TRIM66: variants seen among roughly 807,000 people sequenced by gnomAD.
TRIM66 encodes the protein tripartite motif-containing protein 66.
Under a neutral mutation model 148.2 loss-of-function variants are expected in TRIM66, and 99 were observed. That is an observed-to-expected ratio of 0.67 (90% confidence interval 0.57 to 0.79). The LOEUF (loss-of-function observed/expected upper bound fraction) is 0.79, where lower values mean the gene tolerates loss of function less well. Among genes scored for constraint, TRIM66 ranks in the 30% least tolerant of loss-of-function variants. The pLI, the probability that TRIM66 is intolerant of heterozygous loss-of-function variation, is 0.00. For missense variants in TRIM66, 1,666 were observed against 1,697.9 expected (o/e 0.98, Z 0.33); for synonymous variants, 616 against 635.9 (o/e 0.97, Z 0.47).
intron 6 of TRIM66, among the ~76,000 whole-genome samples, chr11:8,664,395 T>C (rs999073037): frequency 2.0e-5 from 3 of 152,218 alleles, no homozygotes; most frequent in Admixed American, 1.3e-4. Context: ...ACTCTCCCCG[T>C]GAGCAAAGTG....
rs532464330 is a variant in TRIM66 at position 8,624,342 on chromosome 11, G to T, written c.3019+17C>A. The T allele has an allele frequency of 1.2e-5, 19 of 1,548,024 alleles. No individual in the cohort carries two copies. In the Admixed American group the frequency reaches 2.8e-4, roughly 23 times the overall value. On this transcript the variant is annotated intron_variant, in intron 17 of 24. Transcript: ENST00000646038. ...AAGTCTGTGGCCAACATGAAGGGCA[G>T]GCTGCTTGAGTCTCACCTTTTGGGT...
chr11:8,681,543 G>A (rs1015466343), intron 1 of TRIM66, among the ~76,000 whole-genome samples: 1 of 152,158 alleles, frequency 6.6e-6, no homozygotes, highest in Non-Finnish European at 1.5e-5. Context: ...GAGGGGATGG[G>A]ATTTTAAAAA....
chr11:8,635,200 A>G (rs537964115), intron 15 of TRIM66, among the ~76,000 whole-genome samples: 5 of 152,236 alleles, frequency 3.3e-5, no homozygotes, highest in South Asian at 2.1e-4. Flanking sequence ...ACATTGCCCA[A>G]TGGGTTGGCT....
chr11:8,630,339 G>A (rs1394922204), intron 15 of TRIM66, among the ~76,000 whole-genome samples: 1 of 152,222 alleles, frequency 6.6e-6, no homozygotes, highest in East Asian at 1.9e-4. Context: ...GGATTGTTCA[G>A]AGGTCAAATG....
intron 6 of TRIM66, among the ~76,000 whole-genome samples, chr11:8,655,437 G>A (rs2037738487): frequency 6.6e-6 from 1 of 152,146 alleles, no homozygotes; most frequent in African/African-American, 2.4e-5. Context: ...AGGAATGCAG[G>A]GGAGTACAAA....
intron 6 of TRIM66, among the ~76,000 whole-genome samples, chr11:8,652,785 G>A (rs2037471941): frequency 1.3e-5 from 2 of 152,200 alleles, no homozygotes; most frequent in Admixed American, 1.3e-4. Context: ...CTATGGCAGT[G>A]AATGCAGCAG....
rs1592137856 is a variant in TRIM66 at position 8,650,001 on chromosome 11, G to C, written c.445-114C>G. ...GCAGGCCTATTCCTCCACCAGTTTGGAGTGTAACCTATTCTGCAGAGCTGT... is the reference window on the plus strand; with the variant it reads ...GCAGGCCTATTCCTCCACCAGTTTGCAGTGTAACCTATTCTGCAGAGCTGT... On this transcript the variant is annotated intron_variant, in intron 7 of 24. Transcript: ENST00000646038. 1.4e-5 allele frequency: 17 copies of C among 1,215,602 alleles called. No homozygotes were observed. The East Asian group carries it at 2.3e-4, about 17-fold the overall frequency. The allele number at this position is 1,215,602 out of a possible 1,614,324, so 75.3% of individuals were successfully genotyped here. A position where few individuals can be genotyped will look rare whatever the true frequency, so the allele number is the denominator to read the frequency against.
chr11:8,641,511 T>A (rs548317297), intron 13 of TRIM66, among the ~76,000 whole-genome samples: 3 of 151,812 alleles, frequency 2.0e-5, no homozygotes, highest in Non-Finnish European at 2.9e-5. Context: ...AACTTTGGGG[T>A]TGGGAGGGAG....
chr11:8,641,031 A>G lies in TRIM66; in HGVS notation c.1344T>C (p.Leu448=). The G allele has an allele frequency of 1.3e-6, 2 of 1,551,632 alleles. No individual in the cohort carries two copies. The highest frequency in any genetic ancestry group is 1.7e-6 in the Non-Finnish European group (2 of 1,146,982). Residue 448 remains leucine (L), a synonymous_variant, in exon 14 of 25, where the codon CTT becomes CTC. Coordinates refer to ENST00000646038, the MANE Select transcript of TRIM66 (RefSeq NM_001388022.1). ...HQSPVAQQEA[L]SHPSHKFQSP... ...ACTGGAACTTGTGTGAGGGGTGGCT[A>G]AGAGCCTCTTGCTGAGCCACTGGAG...
chr11:8,621,555 A>C, intron 19 of TRIM66, 90 bp downstream of exon 19: 1 of 1,419,456 alleles, frequency 7.0e-7, no homozygotes. Flanking sequence ...GACTCAGGAA[A>C]GGTCCCAGAG....
intron 14 of TRIM66, among the ~76,000 whole-genome samples, chr11:8,639,446 A>G (rs2036177792): frequency 6.6e-6 from 1 of 152,164 alleles, no homozygotes; most frequent in African/African-American, 2.4e-5. Context: ...TACAAACTGC[A>G]CCTCTTCAAC....
rs1226024798 is a variant in TRIM66, at chr11:8,618,976, G to C, written c.3901-8C>G. 4.5e-6 allele frequency: 7 copies of C among 1,550,860 alleles called. No homozygotes were observed. The East Asian group carries it at 7.3e-5, about 16-fold the overall frequency. On this transcript the variant is annotated splice_polypyrimidine_tract_variant and splice_region_variant and intron_variant, in intron 23 of 24. Transcript: ENST00000646038. ...TGCAACCTCGGAGTCAGGCTGATGG[G>C]GGAGGAGAGCAGTGATGGTCTAGCC...
At chr11:8,624,008 G>A (rs139729123) in intron 17 of TRIM66, among the ~76,000 whole-genome samples, 9 of 152,246 alleles carry the variant, frequency 5.9e-5, no homozygotes, top group Non-Finnish European at 1.0e-4. Flanking sequence ...TCCATCTATC[G>A]GACTCCAAAG....
chr11:8,651,969 A>T (rs931172004), intron 6 of TRIM66, 66 bp from the exon 7 acceptor site: 8 of 1,304,284 alleles, frequency 6.1e-6, no homozygotes, highest in Non-Finnish European at 8.5e-6. Context: ...GCCTGGACAT[A>T]AGGCTTTCTA....
At chr11:8,672,648 TCTCA>T (rs2038993590) in intron 4 of TRIM66, among the ~76,000 whole-genome samples, 5 of 144,894 alleles carry the variant, frequency 3.5e-5, no homozygotes, top group Middle Eastern at 3.6e-3. Flanking sequence ...TGAGACAGGA[TCTCA>T]CTCTGTGGCC....
chr11:8,668,794 C>T (rs2133461047), intron 6 of TRIM66, among the ~76,000 whole-genome samples: 1 of 152,134 alleles, frequency 6.6e-6, no homozygotes, highest in East Asian at 1.9e-4. Context: ...CCATGTTGCC[C>T]AGGCTGGTCT....
At chr11:8,648,135 G>T in intron 9 of TRIM66, 49 bp from the exon 10 acceptor site, 2 of 1,468,988 alleles carry the variant, frequency 1.4e-6, no homozygotes, top group South Asian at 1.2e-5. Flanking sequence ...GTCCTACTTT[G>T]AGCATGCCAA....
Position 8,644,843 on chromosome 11 carries a change from A to G in TRIM66, c.1104+898T>C, listed in dbSNP as rs4511283. Reference sequence around the variant, plus strand: ...TTCACTGGAGCTTCTTTCAGAAGATAGCCTGATTCCCAGATCCAGAGGCTG... The same window carrying G: ...TTCACTGGAGCTTCTTTCAGAAGATGGCCTGATTCCCAGATCCAGAGGCTG... On this transcript the variant is annotated intron_variant, in intron 12 of 24. Transcript: ENST00000646038. Among the ~76,000 whole-genome samples, 1,382 of 152,326 alleles carry G rather than the reference A, an allele frequency of 9.1e-3. 17 individuals are homozygous for G. Among genetic ancestry groups the G allele is most frequent in the African/African-American group, 0.032 (1,314 of 41,572 alleles).
At chr11:8,680,904 A>C (rs2039382815) in intron 1 of TRIM66, 1 of 152,230 alleles carries the variant, frequency 6.6e-6, no homozygotes, top group Non-Finnish European at 1.5e-5. Flanking sequence ...CTAGAAAAAG[A>C]CGCCAACAGA....
Sources: allele counts gnomAD v4.1 joint callset (sites outside exome capture counted in the v4.1 genomes callset), GRCh38; gene constraint gnomAD v4.1.1; transcripts MANE v1.5; gene names NCBI Gene and HGNC (gene_info 2026-07-23, HGNC 2026-07-21).